PHF3: variants seen among roughly 807,000 people sequenced by gnomAD.
PHF3 encodes the protein PHD finger protein 3.
In PHF3, 41 loss-of-function variants were observed where a neutral mutation model predicts 178.4. That is an observed-to-expected ratio of 0.23 (90% confidence interval 0.18 to 0.30). The LOEUF (loss-of-function observed/expected upper bound fraction) is 0.30, where lower values mean the gene tolerates loss of function less well. Ranked by LOEUF, PHF3 falls within the 10% of genes least tolerant of loss-of-function variation. PHF3 has a pLI of 1.00. For synonymous variants in PHF3, 842 were observed against 800.5 expected (o/e 1.05, Z -0.88); for missense variants, 2,346 against 2,398.1 (o/e 0.98, Z 0.45).
chr6:63,644,639 G>GA (rs796636824), intron 1 of PHF3, among the ~76,000 whole-genome samples: 5 of 150,988 alleles, frequency 3.3e-5, no homozygotes, highest in Non-Finnish European at 7.4e-5. Flanking sequence ...TAAATAAATG[G>GA]AAAAAAAATG....
At chr6:63,638,951 G>T (rs1764462727) in intron 1 of PHF3, among the ~76,000 whole-genome samples, 1 of 152,060 alleles carries the variant, frequency 6.6e-6, no homozygotes, top group South Asian at 2.1e-4. Context: ...GAGACCCTGA[G>T]GCTGTTTCTA....
intron 9 of PHF3, among the ~76,000 whole-genome samples, chr6:63,702,054 G>C (rs1396450241): frequency 6.6e-6 from 1 of 152,160 alleles, no homozygotes; most frequent in Non-Finnish European, 1.5e-5. Flanking sequence ...TTAGTTAGGA[G>C]ACAGCTAACA....
intron 2 of PHF3, among the ~76,000 whole-genome samples, chr6:63,673,706 T>A (rs1407234820): frequency 6.6e-6 from 1 of 152,180 alleles, no homozygotes; most frequent in East Asian, 1.9e-4. Flanking sequence ...GAGACTGGAA[T>A]GCCTCCCAGA....
rs181958754 is a variant in PHF3 at position 63,725,014 on chromosome 6, T to A, written c.*11306T>A. Among the ~76,000 whole-genome samples the A allele has an allele frequency of 1.6e-3, 250 of 152,292 alleles. No individual in the cohort carries two copies. The highest frequency in any genetic ancestry group is 3.4e-3 in the Middle Eastern group (1 of 294). ...AATAAATGAGAGACTTCAAATAAAC[T>A]TGTTATATCACTTGATTACTAAAAA... On this transcript the variant is annotated 3_prime_UTR_variant, in exon 16 of 16. Transcript: ENST00000262043.
Position 63,722,232 on chromosome 6 carries a change from C to T in PHF3, c.*8524C>T, listed in dbSNP as rs1055969781. The stretch of plus-strand genomic sequence containing the variant: ...CCCCATCCTTACACTCTCTTTACTT[C>T]AACAACACTGACTTTGTTAATTAAG... On this transcript the variant is annotated 3_prime_UTR_variant, in exon 16 of 16. Transcript: ENST00000262043. 6.6e-6 allele frequency among the ~76,000 whole-genome samples: 1 copy of T among 152,104 alleles called. No individual in the cohort carries two copies. The highest frequency in any genetic ancestry group is 2.4e-5 in the African/African-American group (1 of 41,430).
rs1768093706 is a variant in PHF3 at position 63,713,960 on chromosome 6, G to T, written c.*252G>T. 2 of 331,782 alleles carry T rather than the reference G, an allele frequency of 6.0e-6. No homozygotes were observed. The highest frequency in any genetic ancestry group is 5.4e-6 in the Non-Finnish European group (1 of 185,292). The allele number at this position is 331,782 out of a possible 1,614,324, so 20.6% of individuals were successfully genotyped here. A position where few individuals can be genotyped will look rare whatever the true frequency, so the allele number is the denominator to read the frequency against. The stretch of plus-strand genomic sequence containing the variant: ...AGTTTTACATTGCTGTATATTCAAA[G>T]ATTTGTTTTATTAATATGCAATAAA... On this transcript the variant is annotated 3_prime_UTR_variant, in exon 16 of 16. Coordinates refer to ENST00000262043, the MANE Select transcript of PHF3 (RefSeq NM_001370348.2).
At chr6:63,655,285 C>G (rs1317590748) in intron 2 of PHF3, among the ~76,000 whole-genome samples, 2 of 152,088 alleles carry the variant, frequency 1.3e-5, no homozygotes, top group African/African-American at 4.8e-5. Flanking sequence ...CCATGTTGAT[C>G]AGGCTGGTCT....
intron 1 of PHF3, chr6:63,636,468 G>A (rs1764343905): frequency 6.6e-6 from 1 of 152,090 alleles, no homozygotes; most frequent in Non-Finnish European, 1.5e-5. Context: ...TGCTGCGAGG[G>A]CGCCCCGCCG....
chr6:63,678,855 T>C (rs1766299911), intron 2 of PHF3: 2 of 452,762 alleles, frequency 4.4e-6, no homozygotes, highest in Non-Finnish European at 8.9e-6. Flanking sequence ...TTGAGCTCTT[T>C]TAAATGAAGT....
chr6:63,669,766 T>C (rs1013465369), intron 2 of PHF3, among the ~76,000 whole-genome samples: 29 of 152,190 alleles, frequency 1.9e-4, no homozygotes, highest in Non-Finnish European at 3.1e-4. Flanking sequence ...GAGAAACTTA[T>C]GGAAGATAAC....
At chr6:63,677,633 T>A (rs1358768227) in intron 2 of PHF3, among the ~76,000 whole-genome samples, 1 of 152,188 alleles carries the variant, frequency 6.6e-6, no homozygotes, top group East Asian at 1.9e-4. Flanking sequence ...CTGGTCTGTT[T>A]TTCTATTTTG....
Position 63,684,263 on chromosome 6 carries a change from G to A in PHF3, c.541G>A (p.Val181Ile). ...AGTGAAACAACCAGAAAGGAGTCAGGTTAAAGAAGAAGTATGTATGTCACT... is the reference window on the plus strand; with the variant it reads ...AGTGAAACAACCAGAAAGGAGTCAGATTAAAGAAGAAGTATGTATGTCACT... The part of the protein sequence containing the change: ...AGVKQPERSQ[V>I]KEEVCMSLKP... Residue 181 changes from valine (V) to isoleucine (I), a missense_variant, in exon 4 of 16, where the codon GTT (valine) becomes ATT (isoleucine). By Grantham distance (29) the Val-to-Ile change is conservative (BLOSUM62 3). Around this residue, in one of 8 missense-constraint regions of PHF3, gnomAD observed 843 missense variants for 795.2 expected, o/e 1.06. Coordinates refer to ENST00000262043, the MANE Select transcript of PHF3 (RefSeq NM_001370348.2). 5 of 1,613,980 alleles carry A rather than the reference G, an allele frequency of 3.1e-6. No individual in the cohort carries two copies. In the Middle Eastern group the frequency reaches 4.9e-4, roughly 160 times the overall value.
chr6:63,654,070 C>T (rs1301119488), intron 2 of PHF3, among the ~76,000 whole-genome samples: 2 of 152,094 alleles, frequency 1.3e-5, no homozygotes, highest in African/African-American at 2.4e-5. Context: ...GGATATTGGC[C>T]TCTAATTTTC....
chr6:63,709,312 C>T, intron 14 of PHF3, 72 bp downstream of exon 14: 1 of 1,018,300 alleles, frequency 9.8e-7, no homozygotes, highest in Non-Finnish European at 1.5e-6. Context: ...AATTCTTATG[C>T]AAGGGTGCAA....
Position 63,711,647 on chromosome 6 carries a change from A to T in PHF3, c.4059A>T (p.Arg1353=). The T allele has an allele frequency of 6.2e-7, 1 of 1,609,562 alleles. No homozygotes were observed. The highest frequency in any genetic ancestry group is 1.1e-5 in the South Asian group (1 of 89,842). Residue 1353 remains arginine, a synonymous_variant, in exon 16 of 16, where the codon CGA becomes CGT. Transcript: ENST00000262043. ...TAATTATTCGTCAGAAACTGAAGCG[A>T]CAGCACAGTGCCTGTGCTAGTACTA... The part of the protein sequence containing the change: ...LGLIIRQKLK[R]QHSACASTSH...
intron 3 of PHF3, 113 bp from the exon 4 acceptor site, chr6:63,684,016 G>A (rs775028601): frequency 1.3e-6 from 1 of 779,420 alleles, no homozygotes; most frequent in African/African-American, 1.8e-5. Flanking sequence ...ATACATTTTT[G>A]TTGAGCAAAT....
rs1357220764 is a variant in PHF3 at position 63,721,117 on chromosome 6, A to C, written c.*7409A>C. 6.4e-7 allele frequency: 1 copy of C among 1,551,288 alleles called. No individual in the cohort carries two copies. The highest frequency in any genetic ancestry group is 8.7e-7 in the Non-Finnish European group (1 of 1,146,772). Reference sequence around the variant, plus strand: ...GTGAACTGGAGGTTTCTCATTCTATAATTTGGATCAATGTATTTAATGTAA... The same window carrying C: ...GTGAACTGGAGGTTTCTCATTCTATCATTTGGATCAATGTATTTAATGTAA... On this transcript the variant is annotated 3_prime_UTR_variant, in exon 16 of 16. Coordinates refer to ENST00000262043, the MANE Select transcript of PHF3 (RefSeq NM_001370348.2).
chr6:63,647,521 G>T (rs1195038022), intron 2 of PHF3, among the ~76,000 whole-genome samples: 1 of 151,984 alleles, frequency 6.6e-6, no homozygotes, highest in Admixed American at 6.5e-5. Flanking sequence ...TTGGATATTT[G>T]TGGTTAAAAT....
intron 14 of PHF3, among the ~76,000 whole-genome samples, chr6:63,710,516 G>A (rs140770160): frequency 6.6e-6 from 1 of 152,006 alleles, no homozygotes; most frequent in East Asian, 1.9e-4. Context: ...AAAAAACATT[G>A]TTGTTGAACA....
Sources: allele counts gnomAD v4.1 joint callset (sites outside exome capture counted in the v4.1 genomes callset), GRCh38; gene constraint gnomAD v4.1.1; regional missense constraint gnomAD v4.1.1; transcripts MANE v1.5; gene names NCBI Gene and HGNC (gene_info 2026-07-23, HGNC 2026-07-21).